ADGRA2: variants seen among roughly 807,000 people sequenced by gnomAD.
The protein encoded by ADGRA2 is adhesion G protein-coupled receptor A2.
ADGRA2 carries 61 observed loss-of-function variants against 98.7 expected under a neutral mutation model. The observed-to-expected ratio is 0.62, with a 90% CI of 0.50 to 0.76. The LOEUF (loss-of-function observed/expected upper bound fraction) is 0.76. ADGRA2 is among the 30% of genes least tolerant of loss of function. The pLI, the probability that ADGRA2 is intolerant of heterozygous loss-of-function variation, is 0.00. For missense variants in ADGRA2, 1,712 were observed against 1,860.0 expected, an observed-to-expected ratio of 0.92 and a Z score of 1.46; for synonymous variants, 858 against 831.5, an observed-to-expected ratio of 1.03 and a Z score of -0.55.
intron 13 of ADGRA2, 44 bp from the exon 14 acceptor site, chr8:37,837,687 G>T: frequency 6.7e-7 from 1 of 1,500,004 alleles, no homozygotes. Flanking sequence ...CCACCTCCCT[G>T]ACACCCTGTG....
chr8:37,829,857 G>C lies in ADGRA2; in HGVS notation c.561G>C (p.Leu187Phe). The change falls in exon 6 of 19, where the codon TTG becomes TTC. Residue 187 changes from leucine to phenylalanine, a missense_variant. Transcript: ENST00000412232. ...DELPALKVVD[L>F]GTEFLTCDCH... is the part of the protein sequence containing the mutation. ...CCCTCTGCCCACCCTGCAGGGACTT[G>C]GGCACCGAGTTCCTGACCTGTGACT... The C allele has an allele frequency of 6.2e-7, 1 of 1,610,966 alleles. No individual in the cohort carries two copies. The highest frequency in any genetic ancestry group is 8.5e-7 in the Non-Finnish European group (1 of 1,178,974).
intron 2 of ADGRA2, among the ~76,000 whole-genome samples, chr8:37,826,085 T>C (rs1805271792): frequency 6.6e-6 from 1 of 151,888 alleles, no homozygotes; most frequent in Admixed American, 6.5e-5. Flanking sequence ...GTGGGGGCTT[T>C]TGAGGGGGCC....
At chr8:37,837,090 G>A (rs1805635627) in intron 13 of ADGRA2, among the ~76,000 whole-genome samples, 2 of 152,248 alleles carry the variant, frequency 1.3e-5, no homozygotes, top group Non-Finnish European at 2.9e-5. Context: ...CGTTGTAAGT[G>A]AGAAGCAGTG....
intron 1 of ADGRA2, among the ~76,000 whole-genome samples, chr8:37,808,188 GGGAC>G (rs1804731117): frequency 6.6e-6 from 1 of 152,238 alleles, no homozygotes; most frequent in South Asian, 2.1e-4. Context: ...GGAGACTCCA[GGGAC>G]TGGCCCTCCT....
intron 8 of ADGRA2, 122 bp from the exon 9 acceptor site, chr8:37,832,888 A>G (rs1805494729): frequency 1.4e-6 from 1 of 738,070 alleles, no homozygotes; most frequent in Non-Finnish European, 2.3e-6. Flanking sequence ...GCTGGTCTGA[A>G]CCCCGCTCCT....
chr8:37,831,066 T>C lies in ADGRA2; in HGVS notation c.932+143T>C, dbSNP rs1805439451. On this transcript the variant is annotated intron_variant, in intron 7 of 18. Transcript: ENST00000412232. ...TATTTATGGAAAGACTGGACTAAGT[T>C]ATCAATGGTCTAGATAGAGGCTAGA... 4 of 633,590 alleles carry C rather than the reference T, an allele frequency of 6.3e-6. No individual in the cohort carries two copies. The South Asian group carries it at 7.7e-5, about 12-fold the overall frequency. The allele number at this position is 633,590 out of a possible 1,614,324, so 39.2% of individuals were successfully genotyped here. A position where few individuals can be genotyped will look rare whatever the true frequency, so the allele number is the denominator to read the frequency against.
intron 2 of ADGRA2, among the ~76,000 whole-genome samples, chr8:37,815,982 G>C (rs1174199728): frequency 3.3e-5 from 5 of 152,296 alleles, no homozygotes; most frequent in South Asian, 2.1e-4. Context: ...TCCTCCGACA[G>C]GGAGGGCCCT....
intron 13 of ADGRA2, 38 bp downstream of exon 13, chr8:37,835,808 C>T (rs930936698): frequency 2.2e-6 from 3 of 1,360,524 alleles, no homozygotes; most frequent in Non-Finnish European, 3.1e-6. Context: ...CAGGGTGCCT[C>T]TCGTGTGTCC....
At chr8:37,809,898 G>A (rs562366915) in intron 1 of ADGRA2, among the ~76,000 whole-genome samples, 2 of 152,198 alleles carry the variant, frequency 1.3e-5, no homozygotes, top group South Asian at 2.1e-4. Flanking sequence ...GATGGGAGCC[G>A]GTCCCAGAGA....
intron 15 of ADGRA2, 88 bp from the exon 16 acceptor site, chr8:37,839,410 TG>T: frequency 6.4e-7 from 1 of 1,560,336 alleles, no homozygotes; most frequent in Non-Finnish European, 8.7e-7. Flanking sequence ...GATATGTGCC[TG>T]CCCCCCGTGG....
Position 37,841,032 on chromosome 8 carries a change from G to T in ADGRA2, c.2748-54G>T. Reference sequence around the variant, plus strand: ...GTCTCCCCAACCACCCCGGCCCCCAGCCCCACCCCAGCCATGCCCCCTGTC... The same window carrying T: ...GTCTCCCCAACCACCCCGGCCCCCATCCCCACCCCAGCCATGCCCCCTGTC... On this transcript the variant is annotated intron_variant, in intron 18 of 18. Transcript: ENST00000412232. This position sits in a 1 kb window ranked among gnomAD's most constrained non-coding sequence, Gnocchi z 5.0. 2.5e-6 allele frequency: 2 copies of T among 802,114 alleles called. No homozygotes were observed. Among genetic ancestry groups the T allele is most frequent in the South Asian group, 1.5e-5 (1 of 67,880 alleles). 49.7% of individuals were successfully genotyped at this position (802,114 alleles called of 1,614,324 possible).
rs768891406 is a variant in ADGRA2 at position 37,843,970 on chromosome 8, G to A, written c.*1615G>A. 26 of 153,874 alleles carry A rather than the reference G, an allele frequency of 1.7e-4. No homozygotes were observed. Among genetic ancestry groups the A allele is most frequent in the Non-Finnish European group, 3.5e-4 (24 of 68,964 alleles). 9.5% of individuals were successfully genotyped at this position (153,874 alleles called of 1,614,324 possible). On this transcript the variant is annotated 3_prime_UTR_variant, in exon 19 of 19. Transcript: ENST00000412232. The stretch of plus-strand genomic sequence containing the variant: ...ATTAAAATTTTGCAAAGCCCTTTGA[G>A]CTACTGCCTTAGTCTACCCACTGTC...
Position 37,832,890 on chromosome 8 carries a change from C to G in ADGRA2, c.1098-120C>G, listed in dbSNP as rs1028645572. ...GAACCCCTGGAAGGCTGGTCTGAAC[C>G]CCGCTCCTGGATCCCTCCCCAAGGC... On this transcript the variant is annotated intron_variant, in intron 8 of 18. Coordinates refer to ENST00000412232, the MANE Select transcript of ADGRA2 (RefSeq NM_032777.10). 15 of 747,496 alleles carry G rather than the reference C, an allele frequency of 2.0e-5. No individual in the cohort carries two copies. The African/African-American group carries it at 2.4e-4, about 12-fold the overall frequency. The allele number at this position is 747,496 out of a possible 1,614,324, so 46.3% of individuals were successfully genotyped here.
chr8:37,801,368 C>T (rs1804497842), intron 1 of ADGRA2, among the ~76,000 whole-genome samples: 1 of 152,142 alleles, frequency 6.6e-6, no homozygotes, highest in South Asian at 2.1e-4. Context: ...AGAGCAGGAG[C>T]CTTTGTGGGC....
At chr8:37,798,117 T>A (rs898248073) in intron 1 of ADGRA2, among the ~76,000 whole-genome samples, 1 of 151,312 alleles carries the variant, frequency 6.6e-6, no homozygotes, top group Admixed American at 6.6e-5. Context: ...GCCCTTGGAA[T>A]ACCGGCGCTC....
chr8:37,823,964 A>T (rs758251241), intron 2 of ADGRA2, among the ~76,000 whole-genome samples: 11 of 151,786 alleles, frequency 7.2e-5, no homozygotes, highest in Non-Finnish European at 1.6e-4. Context: ...CCCTTATCAG[A>T]TCTGATTTGC....
chr8:37,830,610 G>GCGGC lies in ADGRA2; in HGVS notation c.719-99_719-98insGGCC. On this transcript the variant is annotated intron_variant, in intron 6 of 18. Transcript: ENST00000412232. The surrounding 1 kb of genome is among the most constrained non-coding windows in gnomAD (Gnocchi z 4.8). ...AGCTGGAGCAGGCTGCAGGCCGAGG[G>GCGGC]CCCCGCCCCGCCCCACCCCATCCTG... The GCGGC allele has an allele frequency of 5.0e-5, 29 of 579,886 alleles. 1 individual carries two copies. Among genetic ancestry groups the GCGGC allele is most frequent in the East Asian group, 9.6e-5 (3 of 31,242 alleles). The allele number at this position is 579,886 out of a possible 1,614,324, so 35.9% of individuals were successfully genotyped here.
chr8:37,799,817 A>G (rs905613132), intron 1 of ADGRA2, among the ~76,000 whole-genome samples: 1 of 152,186 alleles, frequency 6.6e-6, no homozygotes, highest in Non-Finnish European at 1.5e-5. Flanking sequence ...GACACCCTGG[A>G]GAGCCCACGG....
intron 2 of ADGRA2, among the ~76,000 whole-genome samples, chr8:37,815,496 G>C (rs1453464069): frequency 6.6e-6 from 1 of 152,222 alleles, no homozygotes; most frequent in Admixed American, 6.5e-5. Flanking sequence ...GGCTGGCCTT[G>C]GCCCTGAGGC....
Sources: allele counts gnomAD v4.1 joint callset (sites outside exome capture counted in the v4.1 genomes callset), GRCh38; gene constraint gnomAD v4.1.1; non-coding constraint Gnocchi (gnomAD v3.1); transcripts MANE v1.5; gene names NCBI Gene and HGNC (gene_info 2026-07-23, HGNC 2026-07-21).